The following TAFA2 variants were observed in gnomAD, a reference collection of about 807,000 sequenced individuals.
TAFA2 encodes chemokine-like protein TAFA-2.
A neutral mutation model predicts 18.8 loss-of-function variants in TAFA2; 7 were observed. The ratio of observed to expected loss-of-function variants is 0.37; its 90% CI spans 0.21 to 0.70. The LOEUF is 0.70. Ranked by LOEUF, TAFA2 falls within the 30% of genes least tolerant of loss-of-function variation. The pLI is 0.53. For synonymous variants in TAFA2, 60 were observed against 54.2 expected (o/e 1.11, Z -0.47); for missense variants, 122 against 158.1 (o/e 0.77, Z 1.23).
chr12:61,887,073 C>T (rs1391433176), intron 1 of TAFA2, among the ~76,000 whole-genome samples: 1 of 152,196 alleles, frequency 6.6e-6, no homozygotes, highest in Admixed American at 6.5e-5. Flanking sequence ...AAATGCTCAA[C>T]TAATAGATGT....
At chr12:62,147,649 G>A (rs1445964407) in intron 1 of TAFA2, among the ~76,000 whole-genome samples, 2 of 148,128 alleles carry the variant, frequency 1.4e-5, no homozygotes, top group African/African-American at 5.0e-5. Context: ...AGAATGGGGT[G>A]AACCCGGGAG....
intron 1 of TAFA2, among the ~76,000 whole-genome samples, chr12:61,953,350 T>G (rs546421467): frequency 6.6e-6 from 1 of 152,162 alleles, no homozygotes; most frequent in Admixed American, 6.6e-5. Flanking sequence ...AAGATACTAA[T>G]CCACTGCAAA....
chr12:61,981,855 G>T (rs1291468696), intron 1 of TAFA2, among the ~76,000 whole-genome samples: 1 of 152,088 alleles, frequency 6.6e-6, no homozygotes, highest in African/African-American at 2.4e-5. Flanking sequence ...GTGTAAATTA[G>T]TTCAACCATT....
chr12:62,234,188 C>A (rs912282296), intron 1 of TAFA2, among the ~76,000 whole-genome samples: 2 of 152,218 alleles, frequency 1.3e-5, no homozygotes, highest in African/African-American at 4.8e-5. Flanking sequence ...TGAGGCACCT[C>A]CTTGAGAAGT....
At chr12:62,022,563 T>G (rs959225796) in intron 1 of TAFA2, among the ~76,000 whole-genome samples, 1 of 152,212 alleles carries the variant, frequency 6.6e-6, no homozygotes, top group African/African-American at 2.4e-5. Flanking sequence ...TTCAGTGTAT[T>G]AATTCATTCA....
chr12:62,119,198 A>C (rs1221450191), intron 1 of TAFA2, among the ~76,000 whole-genome samples: 1 of 152,138 alleles, frequency 6.6e-6, no homozygotes, highest in Non-Finnish European at 1.5e-5. Flanking sequence ...TAGTTACTGG[A>C]AATTATTATT....
intron 1 of TAFA2, among the ~76,000 whole-genome samples, chr12:62,095,875 A>G (rs780660499): frequency 3.9e-4 from 60 of 152,288 alleles, no homozygotes; most frequent in Non-Finnish European, 7.4e-4. Flanking sequence ...TTTCCCCAGA[A>G]AGCCTCTGTG....
chr12:62,156,940 G>A (rs964992582), intron 1 of TAFA2, among the ~76,000 whole-genome samples: 15 of 152,116 alleles, frequency 9.9e-5, no homozygotes, highest in Admixed American at 9.8e-4. Flanking sequence ...TTAAGGCACA[G>A]TATAATAGGA....
At chr12:61,909,419 A>G (rs1876506146) in intron 1 of TAFA2, among the ~76,000 whole-genome samples, 1 of 152,198 alleles carries the variant, frequency 6.6e-6, no homozygotes, top group Admixed American at 6.5e-5. Context: ...TTATCATCAT[A>G]TGGGAAAATG....
intron 2 of TAFA2, among the ~76,000 whole-genome samples, chr12:61,809,696 T>C (rs1310841068): frequency 6.6e-6 from 1 of 151,376 alleles, no homozygotes; most frequent in Non-Finnish European, 1.5e-5. Flanking sequence ...TATGTCTTAG[T>C]TTTTTTACTA....
chr12:61,883,520 T>C (rs953645667), intron 1 of TAFA2, among the ~76,000 whole-genome samples: 4 of 152,182 alleles, frequency 2.6e-5, no homozygotes, highest in Admixed American at 2.6e-4. Flanking sequence ...AAGGGATAGG[T>C]CAGCAAGCCC....
intron 1 of TAFA2, among the ~76,000 whole-genome samples, chr12:61,991,456 G>T (rs1395077038): frequency 6.6e-6 from 1 of 151,984 alleles, no homozygotes; most frequent in Non-Finnish European, 1.5e-5. Context: ...ATCTACAAAG[G>T]CTTCATTTTA....
chr12:61,884,859 T>C (rs1875303764), intron 1 of TAFA2, among the ~76,000 whole-genome samples: 1 of 152,166 alleles, frequency 6.6e-6, no homozygotes, highest in Admixed American at 6.5e-5. Flanking sequence ...ATATCTAAGC[T>C]AAATAAAATA....
intron 1 of TAFA2, among the ~76,000 whole-genome samples, chr12:61,892,730 T>C (rs957240557): frequency 6.6e-6 from 1 of 152,066 alleles, no homozygotes; most frequent in African/African-American, 2.4e-5. Context: ...TCCCAGCTAC[T>C]TGGGAGGCTG....
chr12:62,137,518 T>C (rs562583120), intron 1 of TAFA2, among the ~76,000 whole-genome samples: 6 of 152,266 alleles, frequency 3.9e-5, no homozygotes, highest in Admixed American at 2.6e-4. Flanking sequence ...TCATCTTCTT[T>C]CCTTTACCTT....
At chr12:62,043,061 T>C (rs1881806521) in intron 1 of TAFA2, among the ~76,000 whole-genome samples, 1 of 152,334 alleles carries the variant, frequency 6.6e-6, no homozygotes, top group African/African-American at 2.4e-5. Context: ...TAAGTAGTTA[T>C]TTTTCATTCC....
At chr12:61,829,540 T>C (rs1254642168) in intron 2 of TAFA2, among the ~76,000 whole-genome samples, 1 of 151,728 alleles carries the variant, frequency 6.6e-6, no homozygotes, top group Non-Finnish European at 1.5e-5. Flanking sequence ...CACAATAATT[T>C]ATATTTAATA....
intron 2 of TAFA2, among the ~76,000 whole-genome samples, chr12:61,779,451 C>T (rs957662887): frequency 1.4e-4 from 21 of 151,892 alleles, no homozygotes; most frequent in African/African-American, 5.1e-4. Flanking sequence ...AATAATTATT[C>T]TGAAAAAATA....
intron 2 of TAFA2, among the ~76,000 whole-genome samples, chr12:61,765,587 T>C (rs957193137): frequency 3.9e-5 from 6 of 151,968 alleles, no homozygotes; most frequent in Admixed American, 6.6e-5. Context: ...TTTGAGAAAA[T>C]TGTTTTATCT....
Sources: gnomAD v4.1 joint callset for allele counts (sites outside exome capture counted in the v4.1 genomes callset) on GRCh38, gnomAD v4.1.1 for gene constraint, MANE v1.5 for transcripts, NCBI Gene and HGNC (gene_info 2026-07-23, HGNC 2026-07-21) for gene names.